TEKT3: variants seen among roughly 807,000 people sequenced by gnomAD.
The protein encoded by TEKT3 is tektin-3.
Under a neutral mutation model 49.8 loss-of-function variants are expected in TEKT3, and 49 were observed. The ratio of observed to expected loss-of-function variants is 0.98; its 90% CI spans 0.78 to 1.25. The LOEUF is 1.25. Ranked by LOEUF, TEKT3 falls within the 50% of genes most tolerant of loss-of-function variation. The probability of loss-of-function intolerance (pLI) is 0.00; values close to 1 mark genes in which losing one functional copy is unlikely to be tolerated. For synonymous variants in TEKT3, 225 were observed against 237.2 expected (o/e 0.95, Z 0.47); for missense variants, 595 against 629.5 (o/e 0.95, Z 0.59).
At chr17:15,330,359 G>A (rs1197564936) in intron 3 of TEKT3, among the ~76,000 whole-genome samples, 2 of 152,154 alleles carry the variant, frequency 1.3e-5, no homozygotes, top group Admixed American at 6.6e-5. Flanking sequence ...CACAATGTTG[G>A]GGGTGGGGCC....
chr17:15,321,065 A>G (rs917342529), intron 4 of TEKT3, among the ~76,000 whole-genome samples: 1 of 149,524 alleles, frequency 6.7e-6, no homozygotes, highest in Non-Finnish European at 1.5e-5. Context: ...GCCGGAGTGC[A>G]GTGGCGCGAT....
At chr17:15,324,056 A>C (rs399666) in intron 4 of TEKT3, among the ~76,000 whole-genome samples, 14,865 of 152,222 alleles carry the variant, frequency 0.098, 856 homozygotes, top group East Asian at 0.22. Flanking sequence ...ATTACCTTCC[A>C]AAGAAATCAT....
intron 8 of TEKT3, among the ~76,000 whole-genome samples, chr17:15,308,341 G>A (rs749487141): frequency 6.6e-6 from 1 of 152,170 alleles, no homozygotes; most frequent in Non-Finnish European, 1.5e-5. Flanking sequence ...TTTTGTGTGT[G>A]TAGCGTTGAT....
At position 15,327,990 on chromosome 17, in the gene TEKT3, A is replaced by G; in HGVS notation, c.663+2T>C. The G allele has an allele frequency of 6.2e-7, 1 of 1,613,614 alleles. No homozygotes were observed. Among genetic ancestry groups the G allele is most frequent in the Non-Finnish European group, 8.5e-7 (1 of 1,179,634 alleles). On this transcript the variant is annotated splice_donor_variant, in intron 4 of 8. Coordinates refer to ENST00000395930, the MANE Select transcript of TEKT3 (RefSeq NM_031898.3). LOFTEE classifies it high-confidence loss of function. ...TGACTGATGCATTTCCCCCACATTT[A>G]CCGTCAGCAGTTGTGCTTCAACTTC...
At chr17:15,327,365 A>C (rs2150747439) in intron 4 of TEKT3, among the ~76,000 whole-genome samples, 1 of 152,098 alleles carries the variant, frequency 6.6e-6, no homozygotes, top group African/African-American at 2.4e-5. Flanking sequence ...AAAATACATA[A>C]ATTAGCCAGG....
chr17:15,323,745 C>T (rs963556377), intron 4 of TEKT3, among the ~76,000 whole-genome samples: 2 of 152,162 alleles, frequency 1.3e-5, no homozygotes, highest in African/African-American at 4.8e-5. Context: ...GCATTCACTA[C>T]TTGAATTAAC....
At chr17:15,333,565 A>G (rs1283133136) in intron 2 of TEKT3, among the ~76,000 whole-genome samples, 1 of 152,070 alleles carries the variant, frequency 6.6e-6, no homozygotes, top group African/African-American at 2.4e-5. Flanking sequence ...AAACTTAAAC[A>G]TTACTTTTTG....
intron 8 of TEKT3, among the ~76,000 whole-genome samples, chr17:15,308,455 G>A (rs1267060666): frequency 2.6e-5 from 4 of 152,092 alleles, no homozygotes; most frequent in Non-Finnish European, 4.4e-5. Flanking sequence ...CACACTGTTG[G>A]TGCAACCGTC....
intron 8 of TEKT3, among the ~76,000 whole-genome samples, chr17:15,308,305 G>A (rs78912849): frequency 0.041 from 6,249 of 152,224 alleles, 210 homozygotes; most frequent in African/African-American, 0.094. Context: ...TGGCCTCCCC[G>A]AATGAGTTAA....
intron 2 of TEKT3, among the ~76,000 whole-genome samples, chr17:15,332,609 A>C (rs1911811865): frequency 6.6e-6 from 1 of 152,152 alleles, no homozygotes; most frequent in Non-Finnish European, 1.5e-5. Context: ...AAGTACCTGG[A>C]TCTCCTTTCC....
At chr17:15,336,325 C>G (rs1257817876) in intron 2 of TEKT3, among the ~76,000 whole-genome samples, 1 of 152,012 alleles carries the variant, frequency 6.6e-6, no homozygotes, top group Non-Finnish European at 1.5e-5. Flanking sequence ...TTTAAAAGGG[C>G]TGGAAGAAAG....
intron 2 of TEKT3, among the ~76,000 whole-genome samples, chr17:15,333,126 G>T (rs1289724068): frequency 6.6e-6 from 1 of 151,124 alleles, no homozygotes; most frequent in Non-Finnish European, 1.5e-5. Context: ...GAAACTTTTG[G>T]TCGTTATTAT....
intron 2 of TEKT3, among the ~76,000 whole-genome samples, chr17:15,338,086 A>G (rs1418997909): frequency 1.3e-5 from 2 of 152,184 alleles, no homozygotes; most frequent in African/African-American, 4.8e-5. Flanking sequence ...ACAGAACTAA[A>G]ATGAGAAATA....
At chr17:15,327,157 A>C (rs1226260902) in intron 4 of TEKT3, among the ~76,000 whole-genome samples, 1 of 99,340 alleles carries the variant, frequency 1.0e-5, no homozygotes, top group Non-Finnish European at 2.0e-5. Context: ...TGATTGATTG[A>C]AAAAAAAAAA....
chr17:15,336,281 T>C (rs1911980001), intron 2 of TEKT3, among the ~76,000 whole-genome samples: 1 of 152,114 alleles, frequency 6.6e-6, no homozygotes, highest in African/African-American at 2.4e-5. Flanking sequence ...TGAATTATTG[T>C]CAGAAACTAC....
At chr17:15,341,070 T>C (rs1010990454) in intron 1 of TEKT3, among the ~76,000 whole-genome samples, 1 of 152,128 alleles carries the variant, frequency 6.6e-6, no homozygotes, top group Non-Finnish European at 1.5e-5. Flanking sequence ...AGGAGCTCGG[T>C]CTACAAGACC....
chr17:15,315,900 G>C (rs915792612), intron 5 of TEKT3, among the ~76,000 whole-genome samples: 1 of 152,214 alleles, frequency 6.6e-6, no homozygotes, highest in African/African-American at 2.4e-5. Flanking sequence ...GTAGAGCAAA[G>C]CCGTTCACTC....
At chr17:15,310,538 G>C (rs1039815968) in intron 7 of TEKT3, among the ~76,000 whole-genome samples, 1 of 152,112 alleles carries the variant, frequency 6.6e-6, no homozygotes, top group African/African-American at 2.4e-5. Flanking sequence ...AAGACACAGG[G>C]AGAAGGTGGC....
At chr17:15,317,190 C>CA (rs1185129601) in intron 5 of TEKT3, among the ~76,000 whole-genome samples, 2 of 152,126 alleles carry the variant, frequency 1.3e-5, no homozygotes, top group Non-Finnish European at 2.9e-5. Flanking sequence ...GGATCAACAA[C>CA]AAAGATTCCA....
Sources: gnomAD v4.1 joint callset for allele counts (sites outside exome capture counted in the v4.1 genomes callset) on GRCh38, gnomAD v4.1.1 for gene constraint, MANE v1.5 for transcripts, NCBI Gene and HGNC (gene_info 2026-07-23, HGNC 2026-07-21) for gene names.